COBL: variants seen among roughly 807,000 people sequenced by gnomAD.
The protein encoded by COBL is protein cordon-bleu.
COBL carries 51 observed loss-of-function variants against 98.8 expected under a neutral mutation model. The observed-to-expected ratio is 0.52, with a 90% CI of 0.41 to 0.65. COBL has a LOEUF of 0.65. COBL is among the 30% of genes least tolerant of loss of function. The pLI is 0.00. For missense variants in COBL, 1,617 were observed against 1,617.5 expected (o/e 1.00, Z 0.01); for synonymous variants, 634 against 651.7 (o/e 0.97, Z 0.41).
rs147000434 is a variant in COBL, at chr7:51,253,172, C to T, written c.42-33228G>A. Among the ~76,000 whole-genome samples the T allele has an allele frequency of 6.3e-3, 956 of 152,004 alleles. 13 individuals are homozygous for T. Among genetic ancestry groups the T allele is most frequent in the African/African-American group, 0.022 (900 of 41,430 alleles). Reference sequence around the variant, plus strand: ...CCAGGAGGCGGAGGTTGCAGTAAGCCGAGATGGGGCCACTGCACTCCAGTC... The same window carrying T: ...CCAGGAGGCGGAGGTTGCAGTAAGCTGAGATGGGGCCACTGCACTCCAGTC... On this transcript the variant is annotated intron_variant, in intron 1 of 12. Transcript: ENST00000265136.
In COBL at chr7:51,019,904, T is replaced by A. The variant is rs183140919; in HGVS notation, c.3769-2336A>T. Among the ~76,000 whole-genome samples, 3 of 152,292 alleles carry A rather than the reference T, an allele frequency of 2.0e-5. No individual in the cohort carries two copies. The East Asian group carries it at 5.8e-4, about 29-fold the overall frequency. Reference sequence around the variant, plus strand: ...TAATGCACATATGAGGACCTAGGGCTTAGATGAAAAGAGAGTTGGTGTGTT... The same window carrying A: ...TAATGCACATATGAGGACCTAGGGCATAGATGAAAAGAGAGTTGGTGTGTT... On this transcript the variant is annotated intron_variant, in intron 12 of 12. Transcript: ENST00000265136.
chr7:51,104,962 CAGCCCATAAAAGGGAAGAAAATTTTGT>C (rs1583808116), intron 6 of COBL, among the ~76,000 whole-genome samples: 2 of 152,162 alleles, frequency 1.3e-5, no homozygotes, highest in East Asian at 3.9e-4. Context: ...GAGTGGGGGT[CAGCCCATAAAAGGGAAGAAAATTTTGT>C]TATTGGGAAA....
intron 6 of COBL, among the ~76,000 whole-genome samples, chr7:51,095,442 G>C (rs1222491443): frequency 6.6e-6 from 1 of 152,142 alleles, no homozygotes; most frequent in Admixed American, 6.5e-5. Flanking sequence ...ATACAAAGGA[G>C]AGTGCCAACA....
intron 6 of COBL, among the ~76,000 whole-genome samples, chr7:51,092,661 C>A (rs1033433845): frequency 6.6e-6 from 1 of 152,052 alleles, no homozygotes; most frequent in Non-Finnish European, 1.5e-5. Context: ...TTAGCCAGTA[C>A]CATGCTGTAG....
intron 1 of COBL, among the ~76,000 whole-genome samples, chr7:51,296,523 T>C (rs915339235): frequency 6.6e-6 from 1 of 152,246 alleles, no homozygotes; most frequent in Admixed American, 6.5e-5. Flanking sequence ...AAAGTTATTT[T>C]ACACAAGTTA....
At chr7:51,083,149 C>CGGGGGGGGGGGAGGGTGGGGG in intron 7 of COBL, 1 of 345,488 alleles carries the variant, frequency 2.9e-6, no homozygotes, top group Admixed American at 7.1e-5. Flanking sequence ...GAGGGTAGGG[C>CGGGGGGGGGGGAGGGTGGGGG]GGGGGTGGGG....
At chr7:51,019,422 G>A (rs1002865515) in intron 12 of COBL, among the ~76,000 whole-genome samples, 1 of 152,148 alleles carries the variant, frequency 6.6e-6, no homozygotes, top group Non-Finnish European at 1.5e-5. Context: ...GCTGTGGTTT[G>A]CATTATGAAG....
At chr7:51,111,810 G>A (rs1796855504) in intron 6 of COBL, among the ~76,000 whole-genome samples, 2 of 152,160 alleles carry the variant, frequency 1.3e-5, no homozygotes, top group African/African-American at 4.8e-5. Context: ...GCATGTGATG[G>A]GCCCCAGCAA....
chr7:51,119,674 ACGGGTCAAATAT>A (rs1312629411), intron 6 of COBL, among the ~76,000 whole-genome samples: 1 of 152,244 alleles, frequency 6.6e-6, no homozygotes, highest in East Asian at 1.9e-4. Context: ...CTCCACATCA[ACGGGTCAAATAT>A]TATTTAGATG....
intron 1 of COBL, among the ~76,000 whole-genome samples, chr7:51,245,440 A>G (rs561907468): frequency 9.3e-4 from 142 of 152,272 alleles, no homozygotes; most frequent in Non-Finnish European, 1.6e-3. Flanking sequence ...CAGCTCTACA[A>G]CATTTGTACT....
At position 51,264,528 on chromosome 7, in the gene COBL, G is replaced by A. The variant is rs181561447; in HGVS notation, c.42-44584C>T. On this transcript the variant is annotated intron_variant, in intron 1 of 12. Transcript: ENST00000265136. ...TCTACTAAAAATACAAAAATTAGCC[G>A]GTCTTGGTGGTGCACACCTGTAATC... Among the ~76,000 whole-genome samples, 837 of 151,654 alleles carry A rather than the reference G, an allele frequency of 5.5e-3. 10 individuals carry two copies. Among genetic ancestry groups the A allele is most frequent in the African/African-American group, 0.019 (781 of 41,346 alleles).
chr7:51,238,221 T>C (rs897670044), intron 1 of COBL, among the ~76,000 whole-genome samples: 2 of 152,198 alleles, frequency 1.3e-5, no homozygotes, highest in African/African-American at 4.8e-5. Context: ...CAGTTTTGTA[T>C]CCTGAAGCAC....
intron 6 of COBL, among the ~76,000 whole-genome samples, chr7:51,088,343 C>CG: frequency 9.5e-6 from 1 of 105,236 alleles, no homozygotes; most frequent in African/African-American, 3.9e-5. Context: ...TTCTGATTTC[C>CG]CCCCCTCTTG....
intron 6 of COBL, among the ~76,000 whole-genome samples, chr7:51,110,707 GT>G (rs1354143326): frequency 2.0e-5 from 3 of 152,154 alleles, no homozygotes; most frequent in Non-Finnish European, 4.4e-5. Context: ...TTGCCCACAA[GT>G]CCCCAAAGTC....
intron 4 of COBL, chr7:51,187,885 G>A (rs563295286): frequency 6.5e-6 from 8 of 1,231,048 alleles, no homozygotes; most frequent in East Asian, 3.2e-5. Context: ...GCCTCACAGC[G>A]GGAGCGGGAA....
chr7:51,055,845 A>G (rs1445082814), intron 7 of COBL, among the ~76,000 whole-genome samples: 4 of 152,168 alleles, frequency 2.6e-5, no homozygotes, highest in Non-Finnish European at 4.4e-5. Flanking sequence ...TCCCTGCAAT[A>G]GTTCAAAGAC....
intron 1 of COBL, among the ~76,000 whole-genome samples, chr7:51,301,869 AGTCCATGCCTGCCTCTCT>A (rs767871663): frequency 3.3e-5 from 5 of 152,212 alleles, no homozygotes; most frequent in Non-Finnish European, 7.3e-5. Flanking sequence ...CCTGGCAGTC[AGTCCATGCCTGCCTCTCT>A]GCCCAGCCAC....
At chr7:51,311,982 T>C (rs1229604030) in intron 1 of COBL, among the ~76,000 whole-genome samples, 2 of 150,788 alleles carry the variant, frequency 1.3e-5, no homozygotes, top group Non-Finnish European at 3.0e-5. Context: ...CATAATTAAA[T>C]GTGGATGGGG....
intron 8 of COBL, among the ~76,000 whole-genome samples, chr7:51,037,078 CTT>C (rs762248258): frequency 3.9e-5 from 6 of 152,106 alleles, no homozygotes; most frequent in African/African-American, 4.8e-5. Flanking sequence ...CTCTCTCTCT[CTT>C]ATATACACAT....
Sources: allele counts gnomAD v4.1 joint callset (sites outside exome capture counted in the v4.1 genomes callset), GRCh38; gene constraint gnomAD v4.1.1; transcripts MANE v1.5; gene names NCBI Gene and HGNC (gene_info 2026-07-23, HGNC 2026-07-21).